The following NYNRIN variants were observed in gnomAD, a reference collection of about 807,000 sequenced individuals.
NYNRIN encodes the protein protein NYNRIN.
A neutral mutation model predicts 146.6 loss-of-function variants in NYNRIN; 86 were observed. The ratio of observed to expected loss-of-function variants is 0.59; its 90% confidence interval spans 0.49 to 0.70. NYNRIN has a LOEUF of 0.70. NYNRIN is among the 30% of genes least tolerant of loss of function. The probability of loss-of-function intolerance (pLI) is 0.00; values close to 1 mark genes in which losing one functional copy is unlikely to be tolerated. For missense variants in NYNRIN, 2,191 were observed against 2,377.7 expected, an observed-to-expected ratio of 0.92 and a Z score of 1.63; for synonymous variants, 1,027 against 1,001.3, an observed-to-expected ratio of 1.03 and a Z score of -0.48.
chr14:24,410,318 G>T, intron 4 of NYNRIN, 110 bp downstream of exon 4: 1 of 849,526 alleles, frequency 1.2e-6, no homozygotes, highest in East Asian at 2.6e-5. Context: ...TGGGCGACAT[G>T]GGGAAGAGAT....
At position 24,416,813 on chromosome 14, in the gene NYNRIN, C is replaced by T. The variant is rs560863438; in HGVS notation, c.5064C>T (p.His1688=). ...CCCAGGGGCCCCAGTTTGCCCGGCACGTCCTTGTGAGCTGTGGGCTGGCCC... is the reference window on the plus strand; with the variant it reads ...CCCAGGGGCCCCAGTTTGCCCGGCATGTCCTTGTGAGCTGTGGGCTGGCCC... ...EAAQGPQFAR[H]VLVSCGLALG... is the part of the protein sequence containing the mutation. The change falls in exon 9 of 9, where the codon CAC becomes CAT. Residue 1688 remains histidine (H), a synonymous_variant. Coordinates refer to ENST00000382554, the MANE Select transcript of NYNRIN (RefSeq NM_025081.3). 2.9e-5 allele frequency: 46 copies of T among 1,611,898 alleles called. No homozygotes were observed. The highest frequency in any genetic ancestry group is 3.2e-5 in the Non-Finnish European group (38 of 1,178,756).
Position 24,410,068 on chromosome 14 carries a change from C to A in NYNRIN, c.2274C>A (p.His758Gln). ...GGGCCCCAAGGCAGCCACCTCGCCA[C>A]CTGCAAGCGAACAGCACAGTGACCA... ...WEGAPRQPPR[H>Q]LQANSTVTSF... is the part of the protein sequence containing the mutation. The change falls in exon 4 of 9, where the codon CAC becomes CAA. Residue 758 changes from histidine (H) to glutamine (Q), a missense_variant. Coordinates refer to ENST00000382554, the MANE Select transcript of NYNRIN (RefSeq NM_025081.3). 1 of 1,613,980 alleles carries A rather than the reference C, an allele frequency of 6.2e-7. No homozygotes were observed. The highest frequency in any genetic ancestry group is 8.5e-7 in the Non-Finnish European group (1 of 1,179,902).
At chr14:24,407,728 T>G in intron 2 of NYNRIN, 141 bp from the exon 3 acceptor site, 1 of 691,898 alleles carries the variant, frequency 1.4e-6, no homozygotes, top group Non-Finnish European at 2.4e-6. Flanking sequence ...CATGGGGGAG[T>G]CATTTGGCTC....
In NYNRIN at chr14:24,414,660, G is replaced by A; in HGVS notation, c.2911G>A (p.Val971Ile). Reference protein sequence around the residue: ...WKTLPPSSASVTELSDDADSG... With the variant: ...WKTLPPSSASITELSDDADSG... ...GACCCTTCCTCCCAGCTCAGCCAGT[G>A]TCACTGAGCTGAGTGATGACGCTGA... The change falls in exon 9 of 9, where the codon GTC (valine) becomes ATC (isoleucine). Residue 971 changes from valine (V) to isoleucine (I), a missense_variant. Physicochemically the swap from Val to Ile is conservative, Grantham distance 29. Around this residue, in one of 3 missense-constraint regions of NYNRIN, gnomAD observed 1,291 missense variants for 1,417.0 expected, o/e 0.91. Coordinates refer to ENST00000382554, the MANE Select transcript of NYNRIN (RefSeq NM_025081.3). 1 of 1,613,772 alleles carries A rather than the reference G, an allele frequency of 6.2e-7. No individual in the cohort carries two copies. The highest frequency in any genetic ancestry group is 8.5e-7 in the Non-Finnish European group (1 of 1,179,768).
At position 24,409,198 on chromosome 14, in the gene NYNRIN, A is replaced by C. The variant is rs778623911; in HGVS notation, c.1404A>C (p.Val468=). The change falls in exon 4 of 9, where the codon GTA becomes GTC. Residue 468 remains valine (V), a synonymous_variant. Transcript: ENST00000382554. ...TGGTGGTCCCTGGGAGCTCAGATGT[A>C]AAAGACAAAGTTAGCTCGGATCTCC... ...SLLVVPGSSD[V]KDKVSSDLPQ... 4 of 1,613,796 alleles carry C rather than the reference A, an allele frequency of 2.5e-6. No individual in the cohort carries two copies. The East Asian group carries it at 6.7e-5, about 27-fold the overall frequency.
intron 6 of NYNRIN, 25 bp from the exon 7 acceptor site, chr14:24,412,972 T>C: frequency 1.3e-6 from 2 of 1,512,234 alleles, no homozygotes; most frequent in Non-Finnish European, 9.1e-7. Context: ...TACTGGGTCA[T>C]TAGTGACTTC....
chr14:24,413,018 G>T lies in NYNRIN; in HGVS notation c.2664G>T (p.Glu888Asp). 5.0e-6 allele frequency: 8 copies of T among 1,599,492 alleles called. No individual in the cohort carries two copies. Among genetic ancestry groups the T allele is most frequent in the Non-Finnish European group, 6.0e-6 (7 of 1,173,000 alleles). ...YDYRFMVKLA[E>D]ETDGIIVTNE... is the part of the protein sequence containing the mutation. Reference sequence around the variant, plus strand: ...GCAGGTTCATGGTAAAGCTGGCAGAGGAGACAGATGGCATCATTGTCACCA... The same window carrying T: ...GCAGGTTCATGGTAAAGCTGGCAGATGAGACAGATGGCATCATTGTCACCA... The change falls in exon 7 of 9, where the codon GAG (glutamate) becomes GAT (aspartate). Residue 888 changes from glutamate to aspartate, a missense_variant. By Grantham distance (45) the Glu-to-Asp change is conservative. Around this residue, in one of 3 missense-constraint regions of NYNRIN, gnomAD observed 1,291 missense variants for 1,417.0 expected, o/e 0.91. Coordinates refer to ENST00000382554, the MANE Select transcript of NYNRIN (RefSeq NM_025081.3).
rs763174169 is a variant in NYNRIN at position 24,411,061 on chromosome 14, C to T, written c.2415-15C>T. The T allele has an allele frequency of 8.1e-6, 13 of 1,613,360 alleles. No homozygotes were observed. The highest frequency in any genetic ancestry group is 4.4e-5 in the South Asian group (4 of 91,052). On this transcript the variant is annotated splice_polypyrimidine_tract_variant and intron_variant, in intron 4 of 8. Transcript: ENST00000382554. This position sits in a 1 kb window ranked among gnomAD's most constrained non-coding sequence, Gnocchi z 4.3. ...GTGGTGAGGCAGGGTCTTTCCTTGT[C>T]CCACGACCCCACAGGCATGGCCTGC...
intron 2 of NYNRIN, among the ~76,000 whole-genome samples, chr14:24,404,139 T>A (rs928677888): frequency 6.6e-6 from 1 of 152,216 alleles, no homozygotes; most frequent in Non-Finnish European, 1.5e-5. Flanking sequence ...GGGGAAGTAT[T>A]TAGTCGATGA....
intron 2 of NYNRIN, among the ~76,000 whole-genome samples, chr14:24,402,742 A>G (rs1394089557): frequency 6.6e-6 from 1 of 152,196 alleles, no homozygotes; most frequent in Non-Finnish European, 1.5e-5. Flanking sequence ...GCTGATTGTT[A>G]AACATTTACC....
Position 24,417,299 on chromosome 14 carries a change from C to T in NYNRIN, c.5550C>T (p.Phe1850=). The T allele has an allele frequency of 1.2e-6, 2 of 1,613,760 alleles. No homozygotes were observed. Among genetic ancestry groups the T allele is most frequent in the South Asian group, 2.2e-5 (2 of 91,048 alleles). The part of the protein sequence containing the change: ...NGSSAKWVGP[F]YIGDRLSLSL... The stretch of plus-strand genomic sequence containing the variant: ...GCAGTGCCAAATGGGTGGGTCCCTT[C>T]TATATCGGGGACCGGCTGAGCCTGT... Residue 1850 remains phenylalanine (F), a synonymous_variant, in exon 9 of 9, where the codon TTC becomes TTT. Transcript: ENST00000382554.
chr14:24,410,222 G>T lies in NYNRIN; in HGVS notation c.2414+14G>T. On this transcript the variant is annotated intron_variant, in intron 4 of 8. Transcript: ENST00000382554. ...TGTGGCCATGGTGTGAGTAGTCACG[G>T]GCGTGGGGTGGGCTGGGGATGCTGT... is the stretch of plus-strand genomic sequence containing the variant. 6.4e-7 allele frequency: 1 copy of T among 1,562,234 alleles called. No homozygotes were observed. The highest frequency in any genetic ancestry group is 1.7e-4 in the Middle Eastern group (1 of 5,846).
rs777782963 is a variant in NYNRIN at position 24,417,017 on chromosome 14, A to G, written c.5268A>G (p.Thr1756=). 77 of 1,601,064 alleles carry G rather than the reference A, an allele frequency of 4.8e-5. 1 individual carries two copies. In the South Asian group the frequency reaches 7.7e-4, roughly 16 times the overall value. ...TCAGGGCCTCCTCCACTGATGCCACACCGTTCAAGGTCCTGACCGGGGGTG... is the reference window on the plus strand; with the variant it reads ...TCAGGGCCTCCTCCACTGATGCCACGCCGTTCAAGGTCCTGACCGGGGGTG... The part of the protein sequence containing the change: ...LAFRASSTDA[T]PFKVLTGGES... The change falls in exon 9 of 9, where the codon ACA becomes ACG. Residue 1756 remains threonine (T), a synonymous_variant. Transcript: ENST00000382554.
chr14:24,413,214 G>T (rs1452630955), intron 7 of NYNRIN, 102 bp from the exon 8 acceptor site: 5 of 1,352,372 alleles, frequency 3.7e-6, no homozygotes, highest in Non-Finnish European at 5.2e-6. Context: ...ACCAGCACCT[G>T]CCAGGATGTG....
intron 2 of NYNRIN, among the ~76,000 whole-genome samples, chr14:24,404,116 A>G (rs1407511077): frequency 6.6e-6 from 1 of 152,106 alleles, no homozygotes; most frequent in Non-Finnish European, 1.5e-5. Flanking sequence ...TGTTCCTCAG[A>G]TCTGGGAAAT....
chr14:24,402,975 A>AG (rs2042854057), intron 2 of NYNRIN, among the ~76,000 whole-genome samples: 1 of 152,234 alleles, frequency 6.6e-6, no homozygotes, highest in African/African-American at 2.4e-5. Flanking sequence ...CTAAAAGAAT[A>AG]TGTAGACACT....
intron 2 of NYNRIN, among the ~76,000 whole-genome samples, chr14:24,401,694 C>T (rs1231007480): frequency 6.6e-6 from 1 of 152,184 alleles, no homozygotes; most frequent in African/African-American, 2.4e-5. Flanking sequence ...ATGCATGTTA[C>T]AATACTGTTA....
rs1187797357 is a variant in NYNRIN at position 24,409,760 on chromosome 14, G to A, written c.1966G>A (p.Ala656Thr). 2 of 1,610,894 alleles carry A rather than the reference G, an allele frequency of 1.2e-6. No homozygotes were observed. The highest frequency in any genetic ancestry group is 2.7e-5 in the African/African-American group (2 of 74,778). Residue 656 changes from alanine (A) to threonine (T), a missense_variant, in exon 4 of 9, where the codon GCA becomes ACA. Coordinates refer to ENST00000382554, the MANE Select transcript of NYNRIN (RefSeq NM_025081.3). The part of the protein sequence containing the change: ...QAGPAATVSK[A>T]PAASKAPAAP... ...CGGGCCTGCAGCTACAGTTTCCAAA[G>A]CACCTGCAGCTTCCAAAGCACCTGC...
At position 24,411,583 on chromosome 14, in the gene NYNRIN, G is replaced by T. The variant is rs978669325; in HGVS notation, c.2642+133G>T. On this transcript the variant is annotated intron_variant, in intron 6 of 8. Transcript: ENST00000382554. The surrounding 1 kb of genome is among the most constrained non-coding windows in gnomAD (Gnocchi z 4.3). Reference sequence around the variant, plus strand: ...TGGGGGTGTCGGTTGTGCAGAGGGTGGGGTGGAGCACGGGCATCTGTCAGC... The same window carrying T: ...TGGGGGTGTCGGTTGTGCAGAGGGTTGGGTGGAGCACGGGCATCTGTCAGC... The T allele has an allele frequency of 1.2e-5, 9 of 772,068 alleles. No homozygotes were observed. Among genetic ancestry groups the T allele is most frequent in the African/African-American group, 8.6e-5 (5 of 58,042 alleles). 47.8% of individuals were successfully genotyped at this position (772,068 alleles called of 1,614,324 possible). A position where few individuals can be genotyped will look rare whatever the true frequency, so the allele number is the denominator to read the frequency against.
Sources: allele counts gnomAD v4.1 joint callset (sites outside exome capture counted in the v4.1 genomes callset), GRCh38; gene constraint gnomAD v4.1.1; regional missense constraint gnomAD v4.1.1; non-coding constraint Gnocchi (gnomAD v3.1); transcripts MANE v1.5; gene names NCBI Gene and HGNC (gene_info 2026-07-23, HGNC 2026-07-21).